Variants in PLCB4 observed in about 807,000 individuals in gnomAD.
PLCB4 encodes the protein phospholipase C beta 4.
A neutral mutation model predicts 178.8 loss-of-function variants in PLCB4; 77 were observed. The observed-to-expected ratio is 0.43, with a 90% CI of 0.36 to 0.52. The LOEUF (loss-of-function observed/expected upper bound fraction) is 0.52. Ranked by LOEUF, PLCB4 falls within the 20% of genes least tolerant of loss-of-function variation. The pLI is 0.00. For missense variants in PLCB4, 1,024 were observed against 1,453.4 expected, an observed-to-expected ratio of 0.70 and a Z score of 4.80; for synonymous variants, 496 against 490.8, an observed-to-expected ratio of 1.01 and a Z score of -0.14.
chr20:9,229,358 A>G (rs73093829), intron 3 of PLCB4, among the ~76,000 whole-genome samples: 2,375 of 152,254 alleles, frequency 0.016, 27 homozygotes, highest in Non-Finnish European at 0.027. Flanking sequence ...GTCATTTTTT[A>G]GCCACTAAAA....
intron 9 of PLCB4, among the ~76,000 whole-genome samples, chr20:9,369,269 GGGATACCCCT>G (rs1244255292): frequency 6.6e-6 from 1 of 152,110 alleles, no homozygotes; most frequent in East Asian, 1.9e-4. Context: ...TCAGTTAGCT[GGGATACCCCT>G]GAGATTGCTA....
chr20:9,185,926 T>G (rs1005645306), intron 2 of PLCB4, among the ~76,000 whole-genome samples: 1 of 152,220 alleles, frequency 6.6e-6, no homozygotes, highest in Non-Finnish European at 1.5e-5. Flanking sequence ...TACTCCGTTC[T>G]CTATTTTTGC....
intron 3 of PLCB4, among the ~76,000 whole-genome samples, chr20:9,286,415 T>A (rs1385810077): frequency 6.6e-6 from 1 of 151,954 alleles, no homozygotes; most frequent in Non-Finnish European, 1.5e-5. Flanking sequence ...TGGAAGGTAA[T>A]AATTAGGGAA....
At chr20:9,253,330 C>T (rs2094200383) in intron 3 of PLCB4, among the ~76,000 whole-genome samples, 2 of 152,176 alleles carry the variant, frequency 1.3e-5, no homozygotes, top group Admixed American at 6.5e-5. Flanking sequence ...CTGGCTAACT[C>T]CTTCCTCTCC....
rs2042261743 is a variant in PLCB4 at position 9,444,043 on chromosome 20, G to C, written c.2814+13G>C. The C allele has an allele frequency of 6.3e-7, 1 of 1,589,782 alleles. No individual in the cohort carries two copies. Among genetic ancestry groups the C allele is most frequent in the Non-Finnish European group, 8.6e-7 (1 of 1,161,414 alleles). On this transcript the variant is annotated intron_variant, in intron 31 of 39. Coordinates refer to ENST00000378473, the MANE Select transcript of PLCB4 (RefSeq NM_001377142.1). ...AAAGCAGATGAAGGTAAAATTGCTT[G>C]ACTATTTTGCAAGCACTCTTGTATT... is the stretch of plus-strand genomic sequence containing the variant.
intron 3 of PLCB4, among the ~76,000 whole-genome samples, chr20:9,239,707 T>G (rs1254276674): frequency 6.6e-6 from 1 of 152,128 alleles, no homozygotes; most frequent in Non-Finnish European, 1.5e-5. Context: ...AGTCACAAGA[T>G]GAAGTCCCAC....
chr20:9,389,841 C>A, intron 15 of PLCB4, 38 bp from the exon 16 acceptor site: 2 of 1,013,518 alleles, frequency 2.0e-6, no homozygotes, highest in Non-Finnish European at 3.0e-6. Context: ...AATTTTTTTG[C>A]TCTTTTCTCT....
intron 19 of PLCB4, among the ~76,000 whole-genome samples, chr20:9,397,007 C>T (rs1188120312): frequency 6.6e-6 from 1 of 152,174 alleles, no homozygotes; most frequent in Non-Finnish European, 1.5e-5. Flanking sequence ...TCAATTGACC[C>T]TTCTTTTCAC....
chr20:9,356,376 C>A (rs191635123), intron 7 of PLCB4, among the ~76,000 whole-genome samples: 1 of 152,266 alleles, frequency 6.6e-6, no homozygotes, highest in East Asian at 1.9e-4. Context: ...TATCTACAGT[C>A]CCTATTTATT....
intron 2 of PLCB4, among the ~76,000 whole-genome samples, chr20:9,193,965 A>G (rs561902035): frequency 7.2e-5 from 11 of 152,262 alleles, no homozygotes; most frequent in Non-Finnish European, 1.5e-4. Context: ...TGTCTTCTTT[A>G]AAGTATGGGA....
chr20:9,384,042 C>T (rs1322713791), intron 13 of PLCB4, among the ~76,000 whole-genome samples, 159 bp from the exon 14 acceptor site: 1 of 152,230 alleles, frequency 6.6e-6, no homozygotes, highest in Non-Finnish European at 1.5e-5. Flanking sequence ...GTGCAACTCT[C>T]TTATTTCATT....
intron 7 of PLCB4, among the ~76,000 whole-genome samples, chr20:9,346,248 G>C (rs1236568937): frequency 6.6e-6 from 1 of 152,184 alleles, no homozygotes; most frequent in Non-Finnish European, 1.5e-5. Context: ...AGAAAGCTAG[G>C]ATTTCAGCGG....
At chr20:9,436,722 G>A (rs531897423) in intron 29 of PLCB4, among the ~76,000 whole-genome samples, 10 of 152,276 alleles carry the variant, frequency 6.6e-5, no homozygotes, top group Admixed American at 2.6e-4. Flanking sequence ...CCATTCCAGT[G>A]CACACGTGGA....
At chr20:9,126,995 C>T (rs1379041616) in intron 2 of PLCB4, among the ~76,000 whole-genome samples, 1 of 152,138 alleles carries the variant, frequency 6.6e-6, no homozygotes, top group Non-Finnish European at 1.5e-5. Context: ...CACATACTTA[C>T]ATAGCATATC....
Position 9,337,210 on chromosome 20 carries a change from T to C in PLCB4, c.165+4T>C, listed in dbSNP as rs750924168. On this transcript the variant is annotated splice_donor_region_variant and intron_variant, in intron 5 of 39. Coordinates refer to ENST00000378473, the MANE Select transcript of PLCB4 (RefSeq NM_001377142.1). ...GACATGGAGAAGTGAAGGCAAGGTA[T>C]GGCCCAAGAAGAGCAAGTTGTTCTT... 2.6e-5 allele frequency: 41 copies of C among 1,607,292 alleles called. No individual in the cohort carries two copies. The South Asian group carries it at 4.1e-4, about 16-fold the overall frequency.
At chr20:9,222,036 G>GTTTTATTTTATTTTA (rs869180528) in intron 3 of PLCB4, among the ~76,000 whole-genome samples, 46 of 97,300 alleles carry the variant, frequency 4.7e-4, no homozygotes, top group Non-Finnish European at 7.8e-4. Context: ...ATTTTATTTT[G>GTTTTATTTTATTTTA]TTTTATTTTA....
intron 2 of PLCB4, among the ~76,000 whole-genome samples, chr20:9,153,272 C>T (rs1195451536): frequency 6.6e-6 from 1 of 151,976 alleles, no homozygotes; most frequent in African/African-American, 2.4e-5. Flanking sequence ...TTTGGAGGGG[C>T]CAAGGGTGGA....
intron 8 of PLCB4, among the ~76,000 whole-genome samples, chr20:9,363,564 C>A (rs1225207710): frequency 1.3e-5 from 2 of 152,170 alleles, no homozygotes; most frequent in African/African-American, 2.4e-5. Context: ...AGGAATTACT[C>A]CAGCTTACAG....
At chr20:9,395,483 TAGCATC>T (rs1445575226) in intron 18 of PLCB4, 34 bp from the exon 19 acceptor site, 5 of 1,370,536 alleles carry the variant, frequency 3.6e-6, no homozygotes, top group Non-Finnish European at 4.2e-6. Flanking sequence ...GTATGTTACC[TAGCATC>T]TGTCACCATC....
Sources: gnomAD v4.1 joint callset for allele counts (sites outside exome capture counted in the v4.1 genomes callset) on GRCh38, gnomAD v4.1.1 for gene constraint, MANE v1.5 for transcripts, NCBI Gene and HGNC (gene_info 2026-07-23, HGNC 2026-07-21) for gene names.